The following PLXNA3 variants were observed in gnomAD, a reference collection of about 807,000 sequenced individuals.
The protein encoded by PLXNA3 is plexin A3, also known as plexin-A3.
In PLXNA3, 52 loss-of-function variants were observed where a neutral mutation model predicts 118.8. The observed-to-expected ratio is 0.44, with a 90% confidence interval of 0.35 to 0.55. The LOEUF (loss-of-function observed/expected upper bound fraction) is 0.55. PLXNA3 is among the 20% of genes least tolerant of loss of function. The probability of loss-of-function intolerance (pLI) is 0.01; values close to 1 mark genes in which losing one functional copy is unlikely to be tolerated. For missense variants in PLXNA3, 1,660 were observed against 1,730.8 expected, an observed-to-expected ratio of 0.96 and a Z score of 0.73; for synonymous variants, 925 against 762.4, an observed-to-expected ratio of 1.21 and a Z score of -3.51.
intron 1 of PLXNA3, among the ~76,000 whole-genome samples, chrX:154,459,732 C>T (rs1557202910): frequency 8.9e-6 from 1 of 112,692 alleles, no homozygotes; most frequent in Non-Finnish European, 1.9e-5. Flanking sequence ...CAGTGCCACT[C>T]CAGGTGGTGT....
chrX:154,464,713 T>A, intron 9 of PLXNA3, 41 bp from the exon 10 acceptor site: 1 of 943,220 alleles, frequency 1.1e-6, no homozygotes, highest in Non-Finnish European at 1.5e-6. Flanking sequence ...TGAGGGGCAG[T>A]GCAGCCTCCT....
chrX:154,461,726 C>A, intron 3 of PLXNA3, 88 bp downstream of exon 3: 1 of 939,446 alleles, frequency 1.1e-6, no homozygotes, highest in South Asian at 2.3e-5. Flanking sequence ...CATCCTGTCC[C>A]AGGCTTTGCC....
rs1557205831 is a variant in PLXNA3 at position 154,463,951 on chromosome X, G to A, written c.1548G>A (p.Arg516=). The A allele has an allele frequency of 8.6e-7, 1 of 1,167,463 alleles. No individual in the cohort carries two copies. The highest frequency in any genetic ancestry group is 1.1e-6 in the Non-Finnish European group (1 of 874,122). The change falls in exon 7 of 33, where the codon AGG becomes AGA. Residue 516 remains arginine, a splice_region_variant and synonymous_variant. Coordinates refer to ENST00000369682, the MANE Select transcript of PLXNA3 (RefSeq NM_017514.5). ...PHCGWCVLRH[R]CCREGACLGA... is the part of the protein sequence containing the mutation. ...CCGGCTCTGGCCCGACCCCGTGCAG[G>A]TGCTGCCGCGAAGGGGCCTGTCTGG...
At chrX:154,468,053 C>T in intron 21 of PLXNA3, 29 bp from the exon 22 acceptor site, 1 of 1,194,050 alleles carries the variant, frequency 8.4e-7, no homozygotes, top group East Asian at 3.0e-5. Flanking sequence ...CTCCCTCCTG[C>T]CCACTCATTC....
At chrX:154,471,982 C>T (rs1442363155) in intron 32 of PLXNA3, among the ~76,000 whole-genome samples, 3 of 112,295 alleles carry the variant, frequency 2.7e-5, no homozygotes, top group Non-Finnish European at 5.6e-5. Flanking sequence ...ATTTGCAAGC[C>T]TGTGGATGGC....
Position 154,465,234 on chromosome X carries a change from C to G in PLXNA3, c.2244+16C>G, listed in dbSNP as rs1557206553. Reference sequence around the variant, plus strand: ...GAACGCCTCGGTGAGGTCCCACCCGCTGCCTCCCTTCGGGGTCTGGGCTGT... The same window carrying G: ...GAACGCCTCGGTGAGGTCCCACCCGGTGCCTCCCTTCGGGGTCTGGGCTGT... On this transcript the variant is annotated intron_variant, in intron 11 of 32. Transcript: ENST00000369682. The G allele has an allele frequency of 8.4e-7, 1 of 1,191,517 alleles. No homozygotes were observed. The highest frequency in any genetic ancestry group is 1.1e-6 in the Non-Finnish European group (1 of 881,259).
chrX:154,462,049 T>C (rs2068977743), intron 3 of PLXNA3, 79 bp from the exon 4 acceptor site: 2 of 862,756 alleles, frequency 2.3e-6, no homozygotes, highest in Admixed American at 6.0e-5. Context: ...CCCGCTCTCT[T>C]CTGGGACACA....
chrX:154,463,455 C>T lies in PLXNA3; in HGVS notation c.1382C>T (p.Pro461Leu), dbSNP rs1207799951. 8.3e-7 allele frequency: 1 copy of T among 1,206,507 alleles called. No homozygotes were observed. The highest frequency in any genetic ancestry group is 1.1e-6 in the Non-Finnish European group (1 of 893,993). ...YETVPVVDGS[P>L]ILRDLLFSPD... ...ACAGTCCCCGTGGTGGATGGCAGCCCCATCCTCCGAGACCTGCTCTTCAGC... is the reference window on the plus strand; with the variant it reads ...ACAGTCCCCGTGGTGGATGGCAGCCTCATCCTCCGAGACCTGCTCTTCAGC... The change falls in exon 5 of 33, where the codon CCC becomes CTC. Residue 461 changes from proline (P) to leucine (L), a missense_variant. Physicochemically the swap from Pro to Leu is moderately conservative, Grantham distance 98 (BLOSUM62 -3). Around this residue, in one of 2 missense-constraint regions of PLXNA3, gnomAD observed 791 missense variants for 652.1 expected, o/e 1.21. Transcript: ENST00000369682.
chrX:154,468,783 T>G, intron 24 of PLXNA3, 40 bp from the exon 25 acceptor site: 1 of 1,210,701 alleles, frequency 8.3e-7, no homozygotes, highest in Non-Finnish European at 1.1e-6. Context: ...CGGCCAGTGG[T>G]CAGGCAGGCA....
chrX:154,469,307 G>A, intron 26 of PLXNA3, 72 bp from the exon 27 acceptor site: 5 of 1,160,223 alleles, frequency 4.3e-6, no homozygotes, highest in Non-Finnish European at 5.9e-6. Flanking sequence ...CCTGAACCCT[G>A]TTTCCAAAGA....
At position 154,460,761 on chromosome X, in the gene PLXNA3, C is replaced by G. The variant is rs200421034; in HGVS notation, c.578C>G (p.Ala193Gly). Residue 193 changes from alanine (A) to glycine (G), a missense_variant, in exon 2 of 33, where the codon GCG becomes GGG. By Grantham distance (60) the Ala-to-Gly change is moderately conservative. This residue lies in a region of PLXNA3 where 791 missense variants were observed against 652.1 expected (regional missense o/e 1.21). Transcript: ENST00000369682. ...AAGCTCATCAGTGATGAAGACAGCG[C>G]GGACATGTTCAGTCTCGTGCGTGAG... ...SRKLISDEDS[A>G]DMFSLVYQDE... 1.8e-6 allele frequency: 2 copies of G among 1,118,809 alleles called. No homozygotes were observed. The highest frequency in any genetic ancestry group is 1.8e-5 in the African/African-American group (1 of 54,984). 92.2% of individuals were successfully genotyped at this position (1,118,809 alleles called of 1,213,427 possible). A position where few individuals can be genotyped will look rare whatever the true frequency, so the allele number is the denominator to read the frequency against.
Position 154,466,020 on chromosome X carries a change from G to C in PLXNA3, c.2618G>C (p.Gly873Ala). The C allele has an allele frequency of 8.3e-7, 1 of 1,210,569 alleles. No individual in the cohort carries two copies. The highest frequency in any genetic ancestry group is 1.1e-6 in the Non-Finnish European group (1 of 894,750). Residue 873 changes from glycine (G) to alanine (A), a missense_variant, in exon 14 of 33, where the codon GGC becomes GCC. By Grantham distance (60) the Gly-to-Ala change is moderately conservative. Coordinates refer to ENST00000369682, the MANE Select transcript of PLXNA3 (RefSeq NM_017514.5). ...ENLGLLSREV[G>A]LRVAGVRCNS... is the part of the protein sequence containing the mutation. Reference sequence around the variant, plus strand: ...CTGGGCCTCTTGTCCCGAGAGGTGGGCCTGCGGGTGGCTGGCGTGCGTTGC... The same window carrying C: ...CTGGGCCTCTTGTCCCGAGAGGTGGCCCTGCGGGTGGCTGGCGTGCGTTGC...
At position 154,461,522 on chromosome X, in the gene PLXNA3, T is replaced by C. The variant is rs2068961143; in HGVS notation, c.1018T>C (p.Phe340Leu). 8.3e-7 allele frequency: 1 copy of C among 1,210,230 alleles called. No homozygotes were observed. Among genetic ancestry groups the C allele is most frequent in the African/African-American group, 1.7e-5 (1 of 57,543 alleles). The change falls in exon 3 of 33, where the codon TTC (phenylalanine) becomes CTC (leucine). Residue 340 changes from phenylalanine to leucine, a missense_variant. Around this residue, in one of 2 missense-constraint regions of PLXNA3, gnomAD observed 791 missense variants for 652.1 expected, o/e 1.21. Transcript: ENST00000369682. ...SPPRQTILCLFTLSNINAHIR... is the reference protein window; with the variant it reads ...SPPRQTILCLLTLSNINAHIR... ...ACCCCGGCAGACCATCCTCTGCCTCTTCACCCTCAGCAACATCAATGCCCA... is the reference window on the plus strand; with the variant it reads ...ACCCCGGCAGACCATCCTCTGCCTCCTCACCCTCAGCAACATCAATGCCCA...
rs782450609 is a variant in PLXNA3 at position 154,465,345 on chromosome X, G to C, written c.2245-79G>C. On this transcript the variant is annotated intron_variant, in intron 11 of 32. Transcript: ENST00000369682. ...CCTGCTAGGGATTCCTGTACCTGGAGGAGGGGGGCAGCTGGCAAAAATCTT... is the reference window on the plus strand; with the variant it reads ...CCTGCTAGGGATTCCTGTACCTGGACGAGGGGGGCAGCTGGCAAAAATCTT... 1.8e-5 allele frequency: 19 copies of C among 1,033,805 alleles called. No homozygotes were observed. In the African/African-American group the frequency reaches 3.2e-4, roughly 17 times the overall value. 85.2% of individuals were successfully genotyped at this position (1,033,805 alleles called of 1,213,427 possible).
chrX:154,466,744 A>G lies in PLXNA3; in HGVS notation c.3058A>G (p.Thr1020Ala), dbSNP rs1557207291. 2 of 1,194,277 alleles carry G rather than the reference A, an allele frequency of 1.7e-6. No homozygotes were observed. The highest frequency in any genetic ancestry group is 1.8e-5 in the South Asian group (1 of 54,627). ...ISSPGLIYTY[T>A]QDPTVTRLEP... The stretch of plus-strand genomic sequence containing the variant: ...CAGCCCCGGGCTCATCTACACCTAC[A>G]CTCAGGACCCCACCGTCACCCGCCT... Residue 1020 changes from threonine to alanine, a missense_variant, in exon 17 of 33, where the codon ACT (threonine) becomes GCT (alanine). This residue lies in a region of PLXNA3 where 869 missense variants were observed against 1,078.7 expected (regional missense o/e 0.81). Transcript: ENST00000369682.
rs186158486 is a variant in PLXNA3 at position 154,463,376 on chromosome X, G to A, written c.1318-15G>A. On this transcript the variant is annotated splice_polypyrimidine_tract_variant and intron_variant, in intron 4 of 32. Coordinates refer to ENST00000369682, the MANE Select transcript of PLXNA3 (RefSeq NM_017514.5). ...CAGGAGGCTGTGGTGGCATCAGGCT[G>A]GTCTTGTGGCTCAGGTGCGGGTCGA... is the stretch of plus-strand genomic sequence containing the variant. 14 of 1,208,673 alleles carry A rather than the reference G, an allele frequency of 1.2e-5. No homozygotes were observed. Among genetic ancestry groups the A allele is most frequent in the Admixed American group, 2.2e-5 (1 of 45,739 alleles).
chrX:154,460,409 CGCT>C lies in PLXNA3; in HGVS notation c.230_232del (p.Cys77del). The C allele has an allele frequency of 8.3e-7, 1 of 1,202,173 alleles. No individual in the cohort carries two copies. Among genetic ancestry groups the C allele is most frequent in the Non-Finnish European group, 1.1e-6 (1 of 889,760 alleles). On this transcript the variant is annotated inframe_deletion, in exon 2 of 33. Transcript: ENST00000369682. Reference sequence around the variant, plus strand: ...CACGGGGCCCGTCGAGGACAACGCTCGCTGCTACCCGCCCCCCAGCATGCGCGT... The same window carrying C: ...CACGGGGCCCGTCGAGGACAACGCTCGCTACCCGCCCCCCAGCATGCGCGT...
At chrX:154,464,380 G>A (rs368168210) in intron 8 of PLXNA3, 22 bp from the exon 9 acceptor site, 193 of 1,203,415 alleles carry the variant, frequency 1.6e-4, no homozygotes, top group African/African-American at 3.8e-4. Context: ...GCGAGTTCAC[G>A]GCCACCCCGG....
At chrX:154,470,394 A>C (rs371447418) in intron 29 of PLXNA3, 48 bp from the exon 30 acceptor site, 10 of 1,161,189 alleles carry the variant, frequency 8.6e-6, no homozygotes, top group African/African-American at 1.8e-5. Flanking sequence ...CTCTGGGGAC[A>C]TCCCAACCTG....
Sources: allele counts gnomAD v4.1 joint callset (sites outside exome capture counted in the v4.1 genomes callset), GRCh38; gene constraint gnomAD v4.1.1; regional missense constraint gnomAD v4.1.1; transcripts MANE v1.5; gene names NCBI Gene and HGNC (gene_info 2026-07-23, HGNC 2026-07-21).